The following SGF29 variants were observed in gnomAD, a reference collection of about 807,000 sequenced individuals.
SGF29 encodes SAGA-associated factor 29.
A neutral mutation model predicts 38.1 loss-of-function variants in SGF29; 15 were observed. That is an observed-to-expected ratio of 0.39 (90% CI 0.26 to 0.61). The LOEUF is 0.61. Among genes scored for constraint, SGF29 ranks in the 20% least tolerant of loss-of-function variants. SGF29 has a pLI of 0.49. For missense variants in SGF29, 184 were observed against 394.6 expected (o/e 0.47, Z 4.52); for synonymous variants, 151 against 160.8 (o/e 0.94, Z 0.46).
In SGF29 at chr16:28,566,198, C is replaced by T. The variant is rs571861392; in HGVS notation, c.-16+12101C>T. Among the ~76,000 whole-genome samples the T allele has an allele frequency of 4.6e-5, 7 of 151,018 alleles. No individual in the cohort carries two copies. In the South Asian group the frequency reaches 1.3e-3, roughly 27 times the overall value. On this transcript the variant is annotated intron_variant, in intron 1 of 9. Transcript: ENST00000317058. Reference sequence around the variant, plus strand: ...CTGAGGTGGGAGAATGGCATGAACCCGGGAGGCAGAGCTTGCAGTGAGCCA... The same window carrying T: ...CTGAGGTGGGAGAATGGCATGAACCTGGGAGGCAGAGCTTGCAGTGAGCCA...
At chr16:28,588,477 C>G in intron 4 of SGF29, 1 of 342,056 alleles carries the variant, frequency 2.9e-6, no homozygotes, top group Non-Finnish European at 5.7e-6. Flanking sequence ...CTCTGGGATC[C>G]TGTGTTCTCT....
chr16:28,567,534 G>A (rs2046842277), intron 1 of SGF29, among the ~76,000 whole-genome samples: 1 of 152,190 alleles, frequency 6.6e-6, no homozygotes. Context: ...TGAAGATATG[G>A]AAGCAGCTTT....
In SGF29 at chr16:28,590,730, TC is replaced by T; in HGVS notation, c.603-39del. ...GCAGCCTAACAGCTGAGAAGGAGCA[TC>T]CCCACCCGGCCACAGGTTGATATAA... is the stretch of plus-strand genomic sequence containing the variant. On this transcript the variant is annotated intron_variant, in intron 8 of 9. Transcript: ENST00000317058. The surrounding 1 kb of genome is among the most constrained non-coding windows in gnomAD (Gnocchi z 8.2). 6.2e-7 allele frequency: 1 copy of T among 1,613,832 alleles called. No homozygotes were observed. Among genetic ancestry groups the T allele is most frequent in the Non-Finnish European group, 8.5e-7 (1 of 1,179,922 alleles).
chr16:28,590,518 G>A lies in SGF29; in HGVS notation c.566+76G>A, dbSNP rs1299787628. On this transcript the variant is annotated intron_variant, in intron 7 of 9. Coordinates refer to ENST00000317058, the MANE Select transcript of SGF29 (RefSeq NM_138414.3). The surrounding 1 kb of genome is among the most constrained non-coding windows in gnomAD (Gnocchi z 8.2). ...GCTACGGGAGAAAAGCTCTGCAGAG[G>A]GTGCTCCCCAGAGGCTGGTTGTGCA... 15 of 1,612,856 alleles carry A rather than the reference G, an allele frequency of 9.3e-6. No individual in the cohort carries two copies. The highest frequency in any genetic ancestry group is 1.3e-5 in the Non-Finnish European group (15 of 1,179,570).
intron 1 of SGF29, among the ~76,000 whole-genome samples, chr16:28,564,705 A>ACG (rs1567285943): frequency 7.3e-5 from 5 of 68,650 alleles, no homozygotes; most frequent in Non-Finnish European, 1.4e-4. Flanking sequence ...ATGTATATAT[A>ACG]TACATATATA....
intron 2 of SGF29, among the ~76,000 whole-genome samples, chr16:28,583,416 T>C (rs2046938024): frequency 6.6e-6 from 1 of 152,176 alleles, no homozygotes; most frequent in Admixed American, 6.6e-5. Flanking sequence ...CCCATTTATA[T>C]AGGGTGGGGT....
In SGF29 at chr16:28,590,601, C is replaced by T; in HGVS notation, c.567-30C>T. ...CCAACAGGTACTGCGCCCCTGGCTG[C>T]ATCCAGCCTTTTCCTCCTTTTGTCT... is the stretch of plus-strand genomic sequence containing the variant. On this transcript the variant is annotated intron_variant, in intron 7 of 9. Transcript: ENST00000317058. The surrounding 1 kb of genome is among the most constrained non-coding windows in gnomAD (Gnocchi z 8.2). 1 of 1,613,142 alleles carries T rather than the reference C, an allele frequency of 6.2e-7. No individual in the cohort carries two copies. Among genetic ancestry groups the T allele is most frequent in the Admixed American group, 1.7e-5 (1 of 60,016 alleles).
intron 1 of SGF29, among the ~76,000 whole-genome samples, chr16:28,572,175 A>T (rs2046868853): frequency 6.6e-6 from 1 of 150,660 alleles, no homozygotes; most frequent in African/African-American, 2.4e-5. Context: ...ATGGGGTTTC[A>T]CTGTGTTAGC....
At chr16:28,562,648 T>C (rs1448322098) in intron 1 of SGF29, among the ~76,000 whole-genome samples, 1 of 152,046 alleles carries the variant, frequency 6.6e-6, no homozygotes. Context: ...ATGCCTGTCA[T>C]CCCAGCACTT....
rs1055769957 is a variant in SGF29 at position 28,579,069 on chromosome 16, T to C, written c.-15-1986T>C. On this transcript the variant is annotated intron_variant, in intron 1 of 9. Transcript: ENST00000317058. The stretch of plus-strand genomic sequence containing the variant: ...CCCAAAGTGCTGGGATTACAGGTGT[T>C]AGTCACTGCCCCCAGCTTGAACAAA... 4.6e-5 allele frequency among the ~76,000 whole-genome samples: 7 copies of C among 151,272 alleles called. No individual in the cohort carries two copies. The South Asian group carries it at 1.5e-3, about 32-fold the overall frequency.
At chr16:28,554,933 C>T (rs757171914) in intron 1 of SGF29, among the ~76,000 whole-genome samples, 1 of 152,226 alleles carries the variant, frequency 6.6e-6, no homozygotes, top group Non-Finnish European at 1.5e-5. Context: ...GCTGAACGTT[C>T]TCTTCCTTTG....
At position 28,590,275 on chromosome 16, in the gene SGF29, G is replaced by C. The variant is rs2046980772; in HGVS notation, c.420-21G>C. The C allele has an allele frequency of 3.7e-6, 6 of 1,608,386 alleles. No individual in the cohort carries two copies. Among genetic ancestry groups the C allele is most frequent in the Non-Finnish European group, 5.1e-6 (6 of 1,177,714 alleles). On this transcript the variant is annotated intron_variant, in intron 6 of 9. Coordinates refer to ENST00000317058, the MANE Select transcript of SGF29 (RefSeq NM_138414.3). This position sits in a 1 kb window ranked among gnomAD's most constrained non-coding sequence, Gnocchi z 8.2. The stretch of plus-strand genomic sequence containing the variant: ...GGGCTGGTGCCCAGGGGCTGGGACT[G>C]ACCCTTTGTTCCACTCACAGGCCCC...
At chr16:28,572,072 C>T (rs539740463) in intron 1 of SGF29, among the ~76,000 whole-genome samples, 10 of 150,450 alleles carry the variant, frequency 6.6e-5, no homozygotes, top group South Asian at 4.2e-4. Context: ...CTCTGCCTCC[C>T]GGGTTCACGC....
intron 1 of SGF29, among the ~76,000 whole-genome samples, chr16:28,577,473 A>G (rs1298960261): frequency 6.6e-6 from 1 of 152,210 alleles, no homozygotes; most frequent in Non-Finnish European, 1.5e-5. Flanking sequence ...TGGAAACACA[A>G]TTATGTGGTC....
At chr16:28,570,023 A>G (rs1189626980) in intron 1 of SGF29, among the ~76,000 whole-genome samples, 1 of 152,194 alleles carries the variant, frequency 6.6e-6, no homozygotes, top group Non-Finnish European at 1.5e-5. Context: ...CCAGGCAGAG[A>G]ACTGACACAG....
intron 1 of SGF29, among the ~76,000 whole-genome samples, chr16:28,565,259 C>A (rs1436133879): frequency 6.6e-6 from 1 of 152,156 alleles, no homozygotes; most frequent in Non-Finnish European, 1.5e-5. Context: ...TCTGGCAACA[C>A]CCTCACAGAC....
At chr16:28,567,245 C>T (rs2046840558) in intron 1 of SGF29, among the ~76,000 whole-genome samples, 3 of 152,030 alleles carry the variant, frequency 2.0e-5, no homozygotes, top group Non-Finnish European at 2.9e-5. Flanking sequence ...GAGTGAGTAT[C>T]TTAGTTCATT....
intron 1 of SGF29, among the ~76,000 whole-genome samples, chr16:28,572,874 A>C (rs1314959210): frequency 6.6e-6 from 1 of 151,344 alleles, no homozygotes; most frequent in Non-Finnish European, 1.5e-5. Flanking sequence ...CTGGCTTCTC[A>C]GCATGAAACT....
At position 28,590,037 on chromosome 16, in the gene SGF29, C is replaced by G. The variant is rs2046978579; in HGVS notation, c.290-59C>G. The G allele has an allele frequency of 6.4e-7, 1 of 1,563,706 alleles. No homozygotes were observed. The highest frequency in any genetic ancestry group is 1.3e-5 in the African/African-American group (1 of 74,426). ...TCCTTCAACAGCTCAGTGCAGCATG[C>G]TCGGGGGTCAAGGCCGGCACCTATC... On this transcript the variant is annotated intron_variant, in intron 5 of 9. Transcript: ENST00000317058. This position sits in a 1 kb window ranked among gnomAD's most constrained non-coding sequence, Gnocchi z 8.2.
Sources: gnomAD v4.1 joint callset for allele counts (sites outside exome capture counted in the v4.1 genomes callset) on GRCh38, gnomAD v4.1.1 for gene constraint, Gnocchi (gnomAD v3.1) non-coding constraint, MANE v1.5 for transcripts, NCBI Gene and HGNC (gene_info 2026-07-23, HGNC 2026-07-21) for gene names.